RAB2A: variants seen among roughly 807,000 people sequenced by gnomAD.
RAB2A encodes the protein ras-related protein Rab-2A.
In RAB2A, 7 loss-of-function variants were observed where a neutral mutation model predicts 32.5. That is an observed-to-expected ratio of 0.22 (90% confidence interval 0.12 to 0.40). RAB2A has a LOEUF of 0.40. Ranked by LOEUF, RAB2A falls within the 10% of genes least tolerant of loss-of-function variation. The pLI, the probability that RAB2A is intolerant of heterozygous loss-of-function variation, is 1.00. For missense variants in RAB2A, 108 were observed against 260.7 expected, an observed-to-expected ratio of 0.41 and a Z score of 4.03; for synonymous variants, 79 against 85.2, an observed-to-expected ratio of 0.93 and a Z score of 0.40.
chr8:60,585,943 T>C (rs983682505), intron 5 of RAB2A, among the ~76,000 whole-genome samples: 1 of 152,228 alleles, frequency 6.6e-6, no homozygotes, highest in Admixed American at 6.5e-5. Flanking sequence ...TTAACTTCTC[T>C]CTCTGCAGTC....
intron 6 of RAB2A, among the ~76,000 whole-genome samples, chr8:60,593,573 T>A (rs2130855099): frequency 6.6e-6 from 1 of 152,322 alleles, no homozygotes; most frequent in South Asian, 2.1e-4. Context: ...AGTAGCACCC[T>A]ACCACCACCA....
At chr8:60,588,334 G>A (rs967008068) in intron 5 of RAB2A, among the ~76,000 whole-genome samples, 1 of 152,042 alleles carries the variant, frequency 6.6e-6, no homozygotes, top group Non-Finnish European at 1.5e-5. Flanking sequence ...TTTACTCCCA[G>A]ATGTTTACCC....
intron 1 of RAB2A, among the ~76,000 whole-genome samples, chr8:60,526,630 C>T (rs746975412): frequency 2.6e-5 from 4 of 152,026 alleles, no homozygotes; most frequent in African/African-American, 4.8e-5. Context: ...GGCATTTTTC[C>T]GCTTACCATA....
chr8:60,598,937 C>CAAAAAAAAAAAAAAAAA (rs56406651), intron 6 of RAB2A, among the ~76,000 whole-genome samples: 2 of 40,368 alleles, frequency 5.0e-5, no homozygotes, highest in African/African-American at 1.4e-4. Flanking sequence ...TGCAGTAAAG[C>CAAAAAAAAAAAAAAAAA]AAAAAAAAAA....
chr8:60,605,828 A>AATATATATATATATATATATATAT (rs765737905), intron 6 of RAB2A, among the ~76,000 whole-genome samples: 3 of 114,004 alleles, frequency 2.6e-5, no homozygotes, highest in East Asian at 5.0e-4. Flanking sequence ...AAAAGGGACT[A>AATATATATATATATATATATATAT]ATACATATAT....
chr8:60,585,234 T>TA (rs1398395019), intron 5 of RAB2A, among the ~76,000 whole-genome samples: 2 of 152,210 alleles, frequency 1.3e-5, no homozygotes, highest in African/African-American at 4.8e-5. Context: ...TGTAGAAACT[T>TA]ACAGTGGTAA....
intron 1 of RAB2A, among the ~76,000 whole-genome samples, chr8:60,517,798 TATATATAC>T (rs1434580210): frequency 2.6e-5 from 4 of 152,004 alleles, no homozygotes; most frequent in Non-Finnish European, 5.9e-5. Flanking sequence ...ATGTATTTTA[TATATATAC>T]ATATATATAA....
intron 3 of RAB2A, among the ~76,000 whole-genome samples, chr8:60,575,708 A>G (rs1239409103): frequency 8.2e-6 from 1 of 121,336 alleles, no homozygotes; most frequent in East Asian, 2.4e-4. Context: ...CCCAGGCTGT[A>G]GTGCAATGGT....
intron 6 of RAB2A, among the ~76,000 whole-genome samples, chr8:60,596,427 T>C (rs1302240456): frequency 2.0e-5 from 3 of 152,100 alleles, no homozygotes; most frequent in Admixed American, 6.5e-5. Context: ...ATCCAGAATC[T>C]ACAAAGAACT....
At chr8:60,544,781 G>C (rs1013848745) in intron 1 of RAB2A, among the ~76,000 whole-genome samples, 1 of 152,084 alleles carries the variant, frequency 6.6e-6, no homozygotes, top group African/African-American at 2.4e-5. Context: ...AAATTATCCA[G>C]ATGGATTTGA....
intron 3 of RAB2A, among the ~76,000 whole-genome samples, chr8:60,582,372 T>C (rs1018914289): frequency 1.3e-5 from 2 of 152,210 alleles, no homozygotes; most frequent in Non-Finnish European, 2.9e-5. Flanking sequence ...GAGGGTCTAA[T>C]TGTTATTTTC....
chr8:60,592,960 A>T (rs1408547441), intron 6 of RAB2A, among the ~76,000 whole-genome samples: 1 of 152,234 alleles, frequency 6.6e-6, no homozygotes, highest in Non-Finnish European at 1.5e-5. Context: ...CACTGCCGTA[A>T]GGATAACAGA....
At chr8:60,590,481 TA>T (rs1372926801) in intron 5 of RAB2A, among the ~76,000 whole-genome samples, 37 of 130,230 alleles carry the variant, frequency 2.8e-4, no homozygotes, top group Middle Eastern at 7.6e-3. Context: ...CTGAAAAAAT[TA>T]AAAAAAAAAA....
intron 5 of RAB2A, among the ~76,000 whole-genome samples, chr8:60,589,456 G>T (rs139910656): frequency 1.9e-4 from 29 of 152,322 alleles, no homozygotes; most frequent in African/African-American, 6.7e-4. Context: ...TTAAGCAGTA[G>T]GGAGCCAGTG....
intron 5 of RAB2A, among the ~76,000 whole-genome samples, chr8:60,585,032 G>T (rs909463826): frequency 6.6e-6 from 1 of 152,176 alleles, no homozygotes; most frequent in Non-Finnish European, 1.5e-5. Flanking sequence ...TTTGTGTAAA[G>T]AAATACTTTA....
chr8:60,613,173 CA>C (rs1241592336), intron 6 of RAB2A, among the ~76,000 whole-genome samples: 2 of 152,238 alleles, frequency 1.3e-5, no homozygotes, highest in East Asian at 3.9e-4. Context: ...TCTATTTAAT[CA>C]AGATATATGA....
At position 60,517,262 on chromosome 8, in the gene RAB2A, C is replaced by G. The variant is rs1328073744; in HGVS notation, c.46+9C>G. ...CATAATCGGCGACACAGGTGAGGGC[C>G]CCGGGCGCGGCCGGGCGGGTGTCGG... On this transcript the variant is annotated intron_variant, in intron 1 of 7. Coordinates refer to ENST00000262646, the MANE Select transcript of RAB2A (RefSeq NM_002865.3). The G allele has an allele frequency of 2.0e-6, 3 of 1,483,926 alleles. No homozygotes were observed. In the Admixed American group the frequency reaches 7.3e-5, roughly 36 times the overall value. The allele number at this position is 1,483,926 out of a possible 1,614,324, so 91.9% of individuals were successfully genotyped here.
intron 2 of RAB2A, among the ~76,000 whole-genome samples, chr8:60,571,504 C>G (rs774295983): frequency 2.6e-5 from 4 of 152,122 alleles, no homozygotes; most frequent in African/African-American, 4.8e-5. Flanking sequence ...CCCATTTGTG[C>G]AGGATTGTAT....
chr8:60,580,505 A>T (rs1282687409), intron 3 of RAB2A, among the ~76,000 whole-genome samples: 1 of 152,166 alleles, frequency 6.6e-6, no homozygotes, highest in Non-Finnish European at 1.5e-5. Flanking sequence ...TAGTTTTCAG[A>T]TAAGTAAGGT....
Sources: gnomAD v4.1 joint callset for allele counts (sites outside exome capture counted in the v4.1 genomes callset) on GRCh38, gnomAD v4.1.1 for gene constraint, MANE v1.5 for transcripts, NCBI Gene and HGNC (gene_info 2026-07-23, HGNC 2026-07-21) for gene names.